Variants in CWC27 observed in about 807,000 individuals in gnomAD.
CWC27 encodes spliceosome-associated protein CWC27 homolog.
In CWC27, 47 loss-of-function variants were observed where a neutral mutation model predicts 63.6. The ratio of observed to expected loss-of-function variants is 0.74; its 90% CI spans 0.58 to 0.94. The LOEUF (loss-of-function observed/expected upper bound fraction) is 0.94. Among genes scored for constraint, CWC27 ranks in the 40% least tolerant of loss-of-function variants. The probability of loss-of-function intolerance (pLI) is 0.00; values close to 1 mark genes in which losing one functional copy is unlikely to be tolerated. For synonymous variants in CWC27, 175 were observed against 179.8 expected (o/e 0.97, Z 0.22); for missense variants, 495 against 554.3 (o/e 0.89, Z 1.07).
chr5:64,860,834 T>C (rs1446311346), intron 10 of CWC27, among the ~76,000 whole-genome samples: 1 of 152,214 alleles, frequency 6.6e-6, no homozygotes, highest in Non-Finnish European at 1.5e-5. Flanking sequence ...GTGCTCTTGG[T>C]ATGTTATCAT....
chr5:64,900,645 ATCT>A (rs1747480262), intron 11 of CWC27, among the ~76,000 whole-genome samples: 1 of 151,762 alleles, frequency 6.6e-6, no homozygotes, highest in South Asian at 2.1e-4. Context: ...ACTCAAAAAG[ATCT>A]TCTATGTGTT....
intron 11 of CWC27, among the ~76,000 whole-genome samples, chr5:64,950,006 A>T (rs891552335): frequency 4.6e-5 from 7 of 152,030 alleles, no homozygotes; most frequent in Non-Finnish European, 1.0e-4. Context: ...TTGTGCTATA[A>T]ATGAATACCA....
chr5:64,782,577 G>A (rs1743740398), intron 3 of CWC27, among the ~76,000 whole-genome samples: 1 of 152,116 alleles, frequency 6.6e-6, no homozygotes, highest in Admixed American at 6.5e-5. Context: ...TCATAGTGAA[G>A]ATAATAACAA....
intron 13 of CWC27, among the ~76,000 whole-genome samples, chr5:64,998,640 A>G (rs1325692720): frequency 6.6e-6 from 1 of 152,142 alleles, no homozygotes; most frequent in Non-Finnish European, 1.5e-5. Context: ...GGGCAATATA[A>G]CATTCCTTTA....
At chr5:64,872,445 T>C (rs1327076122) in intron 10 of CWC27, among the ~76,000 whole-genome samples, 2 of 152,176 alleles carry the variant, frequency 1.3e-5, no homozygotes, top group African/African-American at 4.8e-5. Context: ...GCAGCTTCAT[T>C]TGTGAAACGC....
chr5:64,913,892 GA>G lies in CWC27; in HGVS notation c.1042+28352del, dbSNP rs1437265109. Among the ~76,000 whole-genome samples the G allele has an allele frequency of 3.9e-5, 6 of 152,000 alleles. No homozygotes were observed. The East Asian group carries it at 1.2e-3, about 29-fold the overall frequency. On this transcript the variant is annotated intron_variant, in intron 11 of 13. Transcript: ENST00000381070. The stretch of plus-strand genomic sequence containing the variant: ...AGCAGCAAAGACAGTCAAGATTGAG[GA>G]AAAAACAAAAGTCAAAAATGAGATA...
chr5:64,863,555 T>G (rs558616172), intron 10 of CWC27, among the ~76,000 whole-genome samples: 1 of 152,128 alleles, frequency 6.6e-6, no homozygotes, highest in East Asian at 1.9e-4. Flanking sequence ...AATGCAGTGG[T>G]GTGATCATAG....
chr5:64,768,968 T>G lies in CWC27; in HGVS notation c.-179T>G, dbSNP rs1484973488. 6 of 597,572 alleles carry G rather than the reference T, an allele frequency of 1.0e-5. No homozygotes were observed. In the African/African-American group the frequency reaches 1.1e-4, roughly 11 times the overall value. 37.0% of individuals were successfully genotyped at this position (597,572 alleles called of 1,614,324 possible). On this transcript the variant is annotated 5_prime_UTR_variant, in exon 1 of 14. Transcript: ENST00000381070. ...TCCGGTAACAACATGGCGGCGTCCG[T>G]GAGGGGCTCCTTTGGGCAGGGGTAG...
intron 10 of CWC27, among the ~76,000 whole-genome samples, chr5:64,856,710 A>G (rs1317264304): frequency 3.9e-5 from 6 of 152,110 alleles, no homozygotes. Context: ...CAGTTTAAAG[A>G]GGTTGAAATT....
At chr5:64,829,060 A>AT (rs1745443821) in intron 10 of CWC27, among the ~76,000 whole-genome samples, 1 of 152,162 alleles carries the variant, frequency 6.6e-6, no homozygotes, top group Non-Finnish European at 1.5e-5. Context: ...TGAAAATGTG[A>AT]TTTTTAAAAT....
intron 7 of CWC27, among the ~76,000 whole-genome samples, chr5:64,790,858 A>C (rs1362271942): frequency 1.3e-5 from 2 of 152,200 alleles, no homozygotes; most frequent in Non-Finnish European, 2.9e-5. Flanking sequence ...TATTTTGTAG[A>C]ATAAAGAAAG....
intron 10 of CWC27, among the ~76,000 whole-genome samples, chr5:64,867,706 T>C (rs1746562701): frequency 6.6e-6 from 1 of 152,106 alleles, no homozygotes; most frequent in Non-Finnish European, 1.5e-5. Flanking sequence ...TAAGAAGACC[T>C]GACCTCATGT....
intron 10 of CWC27, among the ~76,000 whole-genome samples, chr5:64,824,684 T>C (rs867401880): frequency 5.2e-4 from 79 of 150,718 alleles, no homozygotes; most frequent in African/African-American, 1.7e-3. Flanking sequence ...TTTTTTTTTT[T>C]CCTCTAGAAG....
chr5:64,972,486 A>T (rs1749143349), intron 12 of CWC27, among the ~76,000 whole-genome samples: 1 of 152,076 alleles, frequency 6.6e-6, no homozygotes, highest in Non-Finnish European at 1.5e-5. Flanking sequence ...TGCCATATAT[A>T]TGTTTATATA....
In CWC27 at chr5:64,910,898, T is replaced by G. The variant is rs116607066; in HGVS notation, c.1042+25352T>G. Among the ~76,000 whole-genome samples the G allele has an allele frequency of 8.4e-3, 1,284 of 152,306 alleles. 18 individuals carry two copies. Among genetic ancestry groups the G allele is most frequent in the Middle Eastern group, 0.031 (9 of 294 alleles). ...TAAGAAAAGGAAATCCCCCTACCCT[T>G]TGTGCTTCCCAGGTGAGACAATGGC... is the stretch of plus-strand genomic sequence containing the variant. On this transcript the variant is annotated intron_variant, in intron 11 of 13. Transcript: ENST00000381070.
intron 13 of CWC27, among the ~76,000 whole-genome samples, chr5:65,001,524 A>G (rs1273950433): frequency 6.6e-6 from 1 of 152,066 alleles, no homozygotes; most frequent in Non-Finnish European, 1.5e-5. Context: ...GTTTTTAATC[A>G]TAAAAATGTG....
Position 64,780,696 on chromosome 5 carries a change from C to CGT in CWC27, c.140-1224_140-1223insTG, listed in dbSNP as rs1229668527. On this transcript the variant is annotated intron_variant, in intron 2 of 13. Coordinates refer to ENST00000381070, the MANE Select transcript of CWC27 (RefSeq NM_005869.4). The stretch of plus-strand genomic sequence containing the variant: ...TCACTTGTATACACACGCGCACACG[C>CGT]GCGCACACACACACACACACACCGG... Among the ~76,000 whole-genome samples the CGT allele has an allele frequency of 3.0e-4, 16 of 53,138 alleles. No homozygotes were observed. The South Asian group carries it at 1.0e-2, about 33-fold the overall frequency. 34.9% of individuals were successfully genotyped at this position (53,138 alleles called of 152,430 possible).
intron 11 of CWC27, among the ~76,000 whole-genome samples, chr5:64,946,183 A>G (rs774271915): frequency 6.6e-6 from 1 of 152,130 alleles, no homozygotes; most frequent in African/African-American, 2.4e-5. Flanking sequence ...GTGAGGAGGC[A>G]TGATTGTTAG....
intron 10 of CWC27, among the ~76,000 whole-genome samples, chr5:64,851,073 A>G (rs1746123254): frequency 6.6e-6 from 1 of 152,194 alleles, no homozygotes. Context: ...TTTGAAATTC[A>G]TTTGTTGAAG....
Sources: allele counts gnomAD v4.1 joint callset (sites outside exome capture counted in the v4.1 genomes callset), GRCh38; gene constraint gnomAD v4.1.1; transcripts MANE v1.5; gene names NCBI Gene and HGNC (gene_info 2026-07-23, HGNC 2026-07-21).